The following NAALADL2 variants were observed in gnomAD, a reference collection of about 807,000 sequenced individuals.
The protein encoded by NAALADL2 is N-acetylated alpha-linked acidic dipeptidase like 2, also known as inactive N-acetylated-alpha-linked acidic dipeptidase-like protein 2.
Under a neutral mutation model 87.2 loss-of-function variants are expected in NAALADL2, and 76 were observed. That is an observed-to-expected ratio of 0.87 (90% CI 0.72 to 1.05). The LOEUF is 1.05. NAALADL2 is among the 50% of genes least tolerant of loss of function. The pLI is 0.00. For synonymous variants in NAALADL2, 354 were observed against 331.0 expected (o/e 1.07, Z -0.75); for missense variants, 1,089 against 945.8 (o/e 1.15, Z -1.99).
chr3:175,313,135 C>T (rs1300404722), intron 4 of NAALADL2, among the ~76,000 whole-genome samples: 1 of 152,080 alleles, frequency 6.6e-6, no homozygotes, highest in Non-Finnish European at 1.5e-5. Flanking sequence ...TTTCTGGTAT[C>T]TCTTCTTTTG....
chr3:175,610,477 A>T (rs1724471918), intron 10 of NAALADL2, among the ~76,000 whole-genome samples: 1 of 152,144 alleles, frequency 6.6e-6, no homozygotes, highest in African/African-American at 2.4e-5. Context: ...GACCACACAG[A>T]TGGCTATGAT....
chr3:175,469,659 G>T (rs1170346543), intron 8 of NAALADL2, among the ~76,000 whole-genome samples: 2 of 151,950 alleles, frequency 1.3e-5, no homozygotes, highest in African/African-American at 4.8e-5. Context: ...TTTGTCAGAG[G>T]CTATTGTGGA....
At chr3:175,210,869 C>G (rs989480921) in intron 2 of NAALADL2, among the ~76,000 whole-genome samples, 4 of 151,552 alleles carry the variant, frequency 2.6e-5, no homozygotes, top group Non-Finnish European at 4.4e-5. Context: ...AACTTATATG[C>G]CTTTAAAATT....
chr3:175,583,337 T>C (rs1720063323), intron 10 of NAALADL2, among the ~76,000 whole-genome samples: 1 of 152,134 alleles, frequency 6.6e-6, no homozygotes, highest in African/African-American at 2.4e-5. Flanking sequence ...AGTCAAACCA[T>C]CGTAAGTTGG....
chr3:175,428,644 A>G (rs1717227152), intron 5 of NAALADL2, among the ~76,000 whole-genome samples: 1 of 151,984 alleles, frequency 6.6e-6, no homozygotes, highest in Non-Finnish European at 1.5e-5. Context: ...CTAAGTCTCA[A>G]TTCTTTCCAT....
At chr3:175,732,470 G>A (rs11707329) in intron 11 of NAALADL2, among the ~76,000 whole-genome samples, 18,726 of 152,104 alleles carry the variant, frequency 0.12, 1,224 homozygotes, top group Middle Eastern at 0.18. Context: ...CCTTAGAGGC[G>A]ACACTATCTG....
At chr3:174,731,511 T>A (rs910883009) in intron 2 of NAALADL2, among the ~76,000 whole-genome samples, 3 of 152,168 alleles carry the variant, frequency 2.0e-5, no homozygotes, top group African/African-American at 7.2e-5. Flanking sequence ...TATATTTTCA[T>A]AACTTAGAAT....
intron 1 of NAALADL2, among the ~76,000 whole-genome samples, chr3:174,988,726 G>A (rs1481593807): frequency 6.6e-6 from 1 of 152,110 alleles, no homozygotes; most frequent in African/African-American, 2.4e-5. Context: ...GTGCATGTTT[G>A]TGTCCAAATG....
At chr3:175,341,527 G>A (rs992489861) in intron 5 of NAALADL2, among the ~76,000 whole-genome samples, 8 of 152,164 alleles carry the variant, frequency 5.3e-5, no homozygotes, top group African/African-American at 1.7e-4. Context: ...GTACCTAAGA[G>A]TAGAATTGCT....
intron 11 of NAALADL2, among the ~76,000 whole-genome samples, chr3:175,667,699 A>G (rs1733386699): frequency 6.7e-6 from 1 of 150,110 alleles, no homozygotes; most frequent in Non-Finnish European, 1.5e-5. Flanking sequence ...ATTCTCTGCT[A>G]TCCTTAGATG....
At chr3:175,190,874 A>T (rs1013949056) in intron 2 of NAALADL2, among the ~76,000 whole-genome samples, 2 of 149,456 alleles carry the variant, frequency 1.3e-5, no homozygotes, top group Non-Finnish European at 3.0e-5. Context: ...GCTACTCGGG[A>T]GGCTGAGGCA....
intron 11 of NAALADL2, among the ~76,000 whole-genome samples, chr3:175,668,511 G>A (rs1042424710): frequency 3.9e-5 from 6 of 151,988 alleles, no homozygotes; most frequent in Admixed American, 3.9e-4. Context: ...TTGTGTAGGT[G>A]ACCACAGAAT....
chr3:174,553,674 T>C (rs1712418204), intron 2 of NAALADL2, among the ~76,000 whole-genome samples: 1 of 152,156 alleles, frequency 6.6e-6, no homozygotes, highest in African/African-American at 2.4e-5. Context: ...CTAGGACACT[T>C]AGCTGCATGG....
At chr3:174,509,188 C>CT (rs1275152259) in intron 1 of NAALADL2, among the ~76,000 whole-genome samples, 1 of 151,572 alleles carries the variant, frequency 6.6e-6, no homozygotes, top group East Asian at 1.9e-4. Flanking sequence ...AGCAGACATC[C>CT]TTTTTTGTTT....
intron 3 of NAALADL2, among the ~76,000 whole-genome samples, chr3:174,813,484 G>A (rs1523001): frequency 0.12 from 18,109 of 152,150 alleles, 1,320 homozygotes; most frequent in Middle Eastern, 0.16. Context: ...AGGCTGTAGA[G>A]GTTTGTAGCC....
chr3:175,598,794 C>T (rs1431690132), intron 10 of NAALADL2, among the ~76,000 whole-genome samples: 1 of 152,116 alleles, frequency 6.6e-6, no homozygotes, highest in Non-Finnish European at 1.5e-5. Flanking sequence ...TCACAGTGCA[C>T]TCAGGTGCAT....
intron 5 of NAALADL2, among the ~76,000 whole-genome samples, chr3:175,409,656 A>T (rs1663540008): frequency 6.6e-6 from 1 of 152,002 alleles, no homozygotes; most frequent in Non-Finnish European, 1.5e-5. Context: ...AAATTATTTT[A>T]GATGACTTGT....
chr3:175,703,541 G>C (rs202141898), intron 11 of NAALADL2, among the ~76,000 whole-genome samples: 2 of 152,058 alleles, frequency 1.3e-5, no homozygotes, highest in African/African-American at 2.4e-5. Flanking sequence ...TCAGGAGTTC[G>C]AGACCAGCCT....
intron 1 of NAALADL2, among the ~76,000 whole-genome samples, chr3:175,008,662 G>T (rs1428538735): frequency 6.6e-6 from 1 of 152,064 alleles, no homozygotes; most frequent in Non-Finnish European, 1.5e-5. Flanking sequence ...GTGGCTTTGT[G>T]TTCAATTTTG....
Sources: gnomAD v4.1 joint callset for allele counts (sites outside exome capture counted in the v4.1 genomes callset) on GRCh38, gnomAD v4.1.1 for gene constraint, MANE v1.5 for transcripts, NCBI Gene and HGNC (gene_info 2026-07-23, HGNC 2026-07-21) for gene names.